Variants in CPM observed in about 807,000 individuals in gnomAD.
The protein encoded by CPM is carboxypeptidase M.
Under a neutral mutation model 46.4 loss-of-function variants are expected in CPM, and 35 were observed. That is an observed-to-expected ratio of 0.75 (90% CI 0.58 to 1.00). The LOEUF is 1.00. CPM is among the 50% of genes least tolerant of loss of function. The pLI, the probability that CPM is intolerant of heterozygous loss-of-function variation, is 0.00. For synonymous variants in CPM, 195 were observed against 195.3 expected (o/e 1.00, Z 0.01); for missense variants, 422 against 530.4 (o/e 0.80, Z 2.01).
chr12:68,933,601 G>T (rs191901467), upstream of CPM, among the ~76,000 whole-genome samples: 2 of 152,102 alleles, frequency 1.3e-5, no homozygotes, highest in Admixed American at 6.5e-5. Flanking sequence ...CCTGGAGCCG[G>T]GACGCATGCG....
intron 2 of CPM, chr12:68,913,927 A>T: frequency 1.4e-6 from 1 of 719,024 alleles, no homozygotes; most frequent in East Asian, 2.6e-5. Context: ...TTACAGTCAC[A>T]TGACCTGTGC....
chr12:68,876,893 CGT>C (rs59366545), intron 3 of CPM, among the ~76,000 whole-genome samples: 9,862 of 148,006 alleles, frequency 0.067, 518 homozygotes, highest in East Asian at 0.19. Context: ...CACGCGCATG[CGT>C]GTGTGTGTGT....
rs758770616 is a variant in CPM at position 68,866,884 on chromosome 12, A to G, written c.940+12T>C. 6.2e-6 allele frequency: 10 copies of G among 1,606,616 alleles called. No homozygotes were observed. In the East Asian group the frequency reaches 1.6e-4, roughly 25 times the overall value. On this transcript the variant is annotated intron_variant, in intron 7 of 8. Coordinates refer to ENST00000551568, the MANE Select transcript of CPM (RefSeq NM_198320.5). ...TGTATTAATAGGGAATTAATAAGAA[A>G]ATTTTACAAACCTAGGTGCACCTGC...
intron 4 of CPM, chr12:68,871,581 G>A (rs1021751539): frequency 2.6e-5 from 15 of 576,402 alleles, no homozygotes; most frequent in African/African-American, 7.5e-5. Context: ...GGTGGGCACC[G>A]GGGCAAAGTA....
chr12:68,949,702 G>A (rs12424279), intron 1 of CPM, among the ~76,000 whole-genome samples: 1 of 152,204 alleles, frequency 6.6e-6, no homozygotes, highest in Non-Finnish European at 1.5e-5. Flanking sequence ...AGGTGTATTA[G>A]GTTGTTGAAT....
intron 7 of CPM, among the ~76,000 whole-genome samples, chr12:68,866,256 C>T (rs1248676975): frequency 6.6e-6 from 1 of 152,192 alleles, no homozygotes; most frequent in African/African-American, 2.4e-5. Context: ...AACAGAGTAG[C>T]AGCCTATTTT....
intron 6 of CPM, 112 bp from the exon 7 acceptor site, chr12:68,867,160 G>A: frequency 9.5e-7 from 1 of 1,051,528 alleles, no homozygotes; most frequent in Non-Finnish European, 1.4e-6. Flanking sequence ...AGGAAAAAAT[G>A]AATTTGACAT....
At chr12:68,901,998 T>C (rs1166673710) in intron 2 of CPM, among the ~76,000 whole-genome samples, 3 of 152,178 alleles carry the variant, frequency 2.0e-5, no homozygotes, top group Admixed American at 6.5e-5. Context: ...TTACTTAATA[T>C]GCATCAATGC....
At chr12:68,845,361 A>G (rs965561108) in intron 5 of CPM, 3 of 212,062 alleles carry the variant, frequency 1.4e-5, no homozygotes, top group African/African-American at 6.8e-5. Context: ...CAGCACTTGG[A>G]AGGTGTTCAG....
intron 1 of CPM, among the ~76,000 whole-genome samples, chr12:68,940,600 C>T (rs1888745309): frequency 6.6e-6 from 1 of 150,970 alleles, no homozygotes; most frequent in Admixed American, 6.6e-5. Context: ...AGTGTATATG[C>T]CCAGAGCACC....
intron 2 of CPM, among the ~76,000 whole-genome samples, chr12:68,910,513 G>A (rs1223478759): frequency 6.6e-6 from 1 of 152,126 alleles, no homozygotes; most frequent in Non-Finnish European, 1.5e-5. Context: ...CATTGACTGG[G>A]TTTGGCATAA....
chr12:68,954,990 A>C (rs1334583264), intron 1 of CPM, among the ~76,000 whole-genome samples: 1 of 152,114 alleles, frequency 6.6e-6, no homozygotes, highest in East Asian at 1.9e-4. Flanking sequence ...CCTGCCCTGC[A>C]GTAGCAGCCT....
At position 68,924,695 on chromosome 12, in the gene CPM, A is replaced by G. The variant is rs142547223; in HGVS notation, c.160+7983T>C. On this transcript the variant is annotated intron_variant, in intron 2 of 8. Coordinates refer to ENST00000551568, the MANE Select transcript of CPM (RefSeq NM_198320.5). ...TCTTCATATTCATCCTCAATATGTC[A>G]GTATTTGCATCACAATAGGCATTTT... 3.8e-3 allele frequency among the ~76,000 whole-genome samples: 584 copies of G among 152,322 alleles called. 2 individuals carry two copies. Among genetic ancestry groups the G allele is most frequent in the African/African-American group, 0.013 (554 of 41,572 alleles).
At chr12:68,948,666 G>A (rs1036376090) in intron 1 of CPM, among the ~76,000 whole-genome samples, 2 of 152,102 alleles carry the variant, frequency 1.3e-5, no homozygotes, top group South Asian at 4.1e-4. Context: ...AAAGTTAGGA[G>A]GAAATAGTCT....
chr12:68,912,905 A>G (rs1397361777), intron 2 of CPM, among the ~76,000 whole-genome samples: 1 of 152,136 alleles, frequency 6.6e-6, no homozygotes, highest in Non-Finnish European at 1.5e-5. Context: ...TTCTATCTCC[A>G]TCTCCAACAC....
chr12:68,849,399 T>G (rs200444571), downstream of CPM: 1,378 of 129,198 alleles, frequency 0.011, 18 homozygotes, highest in East Asian at 0.033. Context: ...CGTTTTTTTT[T>G]TTGTTGTTGT....
chr12:68,901,056 G>A (rs968545645), intron 2 of CPM, among the ~76,000 whole-genome samples: 1 of 152,218 alleles, frequency 6.6e-6, no homozygotes, highest in Non-Finnish European at 1.5e-5. Flanking sequence ...TGTGGGGATA[G>A]GGACAAGGGG....
rs536831852 is a variant in CPM, at chr12:68,960,322, G to A, written c.-4+2847C>T. On this transcript the variant is annotated intron_variant, in intron 1 of 8. Transcript: ENST00000546373. ...CACAAGGAAACACCAAGATAAATGG[G>A]GTGACTAACATCCAACTATTTAAAA... Among the ~76,000 whole-genome samples, 17 of 152,250 alleles carry A rather than the reference G, an allele frequency of 1.1e-4. 1 individual carries two copies. In the South Asian group the frequency reaches 3.5e-3, roughly 32 times the overall value.
chr12:68,856,545 A>C lies in CPM; in HGVS notation c.1224T>G (p.Pro408=), dbSNP rs749767286. The change falls in exon 9 of 9, where the codon CCT becomes CCG. Residue 408 remains proline, a synonymous_variant. Coordinates refer to ENST00000551568, the MANE Select transcript of CPM (RefSeq NM_198320.5). ...GQLDSIPVSN[P]SCPMIPLYRN... is the part of the protein sequence containing the mutation. ...TGTATAGAGGAATCATTGGGCATGAAGGATTTGATACTGGGATAGAATCCA... is the reference window on the plus strand; with the variant it reads ...TGTATAGAGGAATCATTGGGCATGACGGATTTGATACTGGGATAGAATCCA... 6.2e-7 allele frequency: 1 copy of C among 1,614,152 alleles called. No individual in the cohort carries two copies. Among genetic ancestry groups the C allele is most frequent in the African/African-American group, 1.3e-5 (1 of 74,952 alleles).
Sources: allele counts gnomAD v4.1 joint callset (sites outside exome capture counted in the v4.1 genomes callset), GRCh38; gene constraint gnomAD v4.1.1; transcripts MANE v1.5; gene names NCBI Gene and HGNC (gene_info 2026-07-23, HGNC 2026-07-21).